COL5A2: variants seen among roughly 807,000 people sequenced by gnomAD.
COL5A2 encodes the protein collagen alpha-2(V) chain.
COL5A2 carries 23 observed loss-of-function variants against 208.2 expected under a neutral mutation model. That is an observed-to-expected ratio of 0.11 (90% confidence interval 0.08 to 0.16). The LOEUF (loss-of-function observed/expected upper bound fraction) is 0.16, where lower values mean the gene tolerates loss of function less well. COL5A2 is among the 10% of genes least tolerant of loss of function. The pLI is 1.00. For missense variants in COL5A2, 1,590 were observed against 1,956.4 expected (o/e 0.81, Z 3.53); for synonymous variants, 625 against 628.5 (o/e 0.99, Z 0.08).
chr2:189,438,744 G>C, the COL5A2 span, among the ~76,000 whole-genome samples: 1 of 152,010 alleles, frequency 6.6e-6, no homozygotes, highest in Non-Finnish European at 1.5e-5. Context: ...TTGTGATGGT[G>C]GATACGATAA....
chr2:189,435,632 A>G, the COL5A2 span, among the ~76,000 whole-genome samples: 1 of 152,224 alleles, frequency 6.6e-6, no homozygotes. Flanking sequence ...ATGAGATACC[A>G]TCTCACACCA....
intron 1 of COL5A2, among the ~76,000 whole-genome samples, chr2:189,204,090 G>A (rs920794454): frequency 6.6e-6 from 1 of 151,908 alleles, no homozygotes; most frequent in Non-Finnish European, 1.5e-5. Flanking sequence ...GCAGAGACGG[G>A]GTTTCACAAT....
chr2:189,078,960 G>T (rs1686473498), intron 15 of COL5A2, 103 bp downstream of exon 15: 1 of 926,892 alleles, frequency 1.1e-6, no homozygotes. Context: ...AACATATGTT[G>T]TCCATTTATT....
At chr2:189,191,186 A>C (rs1268996493) in intron 1 of COL5A2, among the ~76,000 whole-genome samples, 1 of 150,962 alleles carries the variant, frequency 6.6e-6, no homozygotes, top group Non-Finnish European at 1.5e-5. Context: ...ACAACAACAA[A>C]AAAAACCACT....
chr2:189,245,373 G>C, the COL5A2 span, among the ~76,000 whole-genome samples: 1 of 151,916 alleles, frequency 6.6e-6, no homozygotes, highest in African/African-American at 2.4e-5. Context: ...ATCTGGAAAA[G>C]GTGCTTTAAA....
At chr2:189,150,229 T>G (rs1431506123) in intron 1 of COL5A2, among the ~76,000 whole-genome samples, 1 of 152,180 alleles carries the variant, frequency 6.6e-6, no homozygotes, top group Non-Finnish European at 1.5e-5. Context: ...TAAACAGTTG[T>G]GATTGTTTAC....
At chr2:189,096,621 C>CAAA (rs777945216) in intron 6 of COL5A2, among the ~76,000 whole-genome samples, 13,645 of 70,776 alleles carry the variant, frequency 0.19, 880 homozygotes, top group South Asian at 0.25. Context: ...GACTCCGTCT[C>CAAA]AAAAAAAAAA....
rs148220961 is a variant in COL5A2 at position 189,098,775 on chromosome 2, G to A, written c.370-16C>T. 12,115 of 1,609,678 alleles carry A rather than the reference G, an allele frequency of 7.5e-3. 78 individuals are homozygous for A. The highest frequency in any genetic ancestry group is 0.016 in the Middle Eastern group (94 of 6,052). ...TGCCTGTTACCTAAACAATAAACAA[G>A]AAAATTTGTAAAGGTAAAGTTTCTG... is the stretch of plus-strand genomic sequence containing the variant. On this transcript the variant is annotated splice_polypyrimidine_tract_variant and intron_variant, in intron 4 of 53. Coordinates refer to ENST00000374866, the MANE Select transcript of COL5A2 (RefSeq NM_000393.5).
At chr2:189,244,098 T>C in the COL5A2 span, among the ~76,000 whole-genome samples, 1 of 152,182 alleles carries the variant, frequency 6.6e-6, no homozygotes, top group South Asian at 2.1e-4. Flanking sequence ...AGGCCTGTGA[T>C]GGGAGGGGCT....
the COL5A2 span, among the ~76,000 whole-genome samples, chr2:189,325,192 G>A: frequency 1.3e-5 from 2 of 152,042 alleles, no homozygotes; most frequent in Admixed American, 1.3e-4. Context: ...GGGAGGGATA[G>A]CATTAGGAGA....
the COL5A2 span, among the ~76,000 whole-genome samples, chr2:189,382,759 A>AT: frequency 1.3e-5 from 2 of 151,972 alleles, no homozygotes; most frequent in Non-Finnish European, 2.9e-5. Flanking sequence ...GTCAGGAGCA[A>AT]TTTTTTCAAT....
chr2:189,391,450 T>C, the COL5A2 span, among the ~76,000 whole-genome samples: 2 of 152,120 alleles, frequency 1.3e-5, no homozygotes, highest in South Asian at 2.1e-4. Flanking sequence ...GTTGATTGCT[T>C]TGGATCACAA....
the COL5A2 span, among the ~76,000 whole-genome samples, chr2:189,380,263 T>G: frequency 8.6e-5 from 13 of 152,034 alleles, no homozygotes; most frequent in African/African-American, 2.7e-4. Context: ...CTCCCTTATT[T>G]GGGATGTACT....
the COL5A2 span, among the ~76,000 whole-genome samples, chr2:189,239,554 T>G: frequency 1.5e-3 from 213 of 138,582 alleles, no homozygotes; most frequent in African/African-American, 2.2e-3. Context: ...TCACTCATAG[T>G]TGGGAATTGA....
chr2:189,438,113 C>T, the COL5A2 span, among the ~76,000 whole-genome samples: 2,966 of 151,574 alleles, frequency 0.02, 99 homozygotes, highest in African/African-American at 0.068. Context: ...TAAAATGATG[C>T]TCAGCATTAG....
the COL5A2 span, among the ~76,000 whole-genome samples, chr2:189,399,630 C>T: frequency 6.6e-6 from 1 of 152,032 alleles, no homozygotes; most frequent in African/African-American, 2.4e-5. Context: ...CTTTTTAGAA[C>T]TTTGAGTTAT....
rs141725779 is a variant in COL5A2 at position 189,139,356 on chromosome 2, C to T, written c.98-28907G>A. On this transcript the variant is annotated intron_variant, in intron 1 of 53. Transcript: ENST00000374866. The stretch of plus-strand genomic sequence containing the variant: ...GTTGATAGTTGAGAATGGCACTTTA[C>T]CTCCTCCCAACACCCAGAACTCCAG... 6.5e-3 allele frequency among the ~76,000 whole-genome samples: 987 copies of T among 152,216 alleles called. 12 individuals are homozygous for T. Among genetic ancestry groups the T allele is most frequent in the Non-Finnish European group, 7.8e-3 (533 of 67,998 alleles).
rs13914 is a variant in COL5A2, at chr2:189,032,905, C to A, written c.*1165G>T. ...ATCATTAAAGGAAAAATAATAATAC[C>A]TTTTTAGCCCTGCCTATCTCCAGTC... On this transcript the variant is annotated 3_prime_UTR_variant, in exon 54 of 54. Transcript: ENST00000374866. 6.6e-6 allele frequency: 1 copy of A among 152,408 alleles called. No homozygotes were observed. Among genetic ancestry groups the A allele is most frequent in the Admixed American group, 6.6e-5 (1 of 15,244 alleles). The allele number at this position is 152,408 out of a possible 1,614,324, so 9.4% of individuals were successfully genotyped here. A position where few individuals can be genotyped will look rare whatever the true frequency, so the allele number is the denominator to read the frequency against.
At chr2:189,265,501 C>T in the COL5A2 span, among the ~76,000 whole-genome samples, 2 of 152,154 alleles carry the variant, frequency 1.3e-5, no homozygotes, top group East Asian at 1.9e-4. Flanking sequence ...CTTATAAAGA[C>T]ACCAGTCAGT....
Sources: gnomAD v4.1 joint callset for allele counts (sites outside exome capture counted in the v4.1 genomes callset) on GRCh38, gnomAD v4.1.1 for gene constraint, MANE v1.5 for transcripts, NCBI Gene and HGNC (gene_info 2026-07-23, HGNC 2026-07-21) for gene names.